TREM2: variants seen among roughly 807,000 people sequenced by gnomAD.
TREM2 encodes triggering receptor expressed on monocytes 2.
A neutral mutation model predicts 22.9 loss-of-function variants in TREM2; 20 were observed. The observed-to-expected ratio is 0.87, with a 90% CI of 0.61 to 1.27. The LOEUF is 1.27. TREM2 is among the 50% of genes most tolerant of loss of function. TREM2 has a pLI of 0.00. For missense variants in TREM2, 267 were observed against 289.0 expected, an observed-to-expected ratio of 0.92 and a Z score of 0.55; for synonymous variants, 111 against 120.9, an observed-to-expected ratio of 0.92 and a Z score of 0.54.
In TREM2 at chr6:41,159,083, G is replaced by A. The variant is rs761336507; in HGVS notation, c.483-17C>T. ...AAGAGGCTCCTTGGAGAGACAAGAA[G>A]GCAGATGGGAGCCTTGAGATGGCCT... On this transcript the variant is annotated splice_polypyrimidine_tract_variant and intron_variant, in intron 3 of 4. Transcript: ENST00000373113. The A allele has an allele frequency of 1.2e-6, 2 of 1,607,352 alleles. No homozygotes were observed. The highest frequency in any genetic ancestry group is 8.5e-7 in the Non-Finnish European group (1 of 1,176,924).
intron 1 of TREM2, among the ~76,000 whole-genome samples, chr6:41,162,111 GGCT>G (rs1765581709): frequency 6.6e-6 from 1 of 152,222 alleles, no homozygotes; most frequent in Admixed American, 6.5e-5. Context: ...GGAGACATGA[GGCT>G]GCTATTTTGG....
chr6:41,159,238 A>G (rs1175249832), intron 3 of TREM2, 172 bp from the exon 4 acceptor site: 2 of 742,678 alleles, frequency 2.7e-6, no homozygotes, highest in Non-Finnish European at 4.5e-6. Flanking sequence ...AAGAGACTTG[A>G]GTTCTAGGCA....
intron 1 of TREM2, 53 bp downstream of exon 1, chr6:41,162,990 A>C (rs1765605524): frequency 6.2e-7 from 1 of 1,613,680 alleles, no homozygotes; most frequent in African/African-American, 1.3e-5. Context: ...CGCCCCAACC[A>C]CATGCTCAAA....
intron 2 of TREM2, 53 bp from the exon 3 acceptor site, chr6:41,159,935 G>A: frequency 1.3e-6 from 2 of 1,518,838 alleles, no homozygotes; most frequent in East Asian, 2.3e-5. Context: ...GAGGCAGGGG[G>A]AGAACCTTGG....
chr6:41,160,661 C>G (rs193098480), intron 2 of TREM2, among the ~76,000 whole-genome samples: 45 of 152,224 alleles, frequency 3.0e-4, no homozygotes, highest in African/African-American at 8.4e-4. Flanking sequence ...CACCCTGCCC[C>G]CAACGCCCCC....
Position 41,158,633 on chromosome 6 carries a change from G to A in TREM2, c.*131C>T. ...CAGTCCCTGCTTCCAGGGTCCAGGA[G>A]AAGCAGTGTTCAGGCAGAGTAGTCT... is the stretch of plus-strand genomic sequence containing the variant. On this transcript the variant is annotated 3_prime_UTR_variant, in exon 5 of 5. Coordinates refer to ENST00000373113, the MANE Select transcript of TREM2 (RefSeq NM_018965.4). The A allele has an allele frequency of 6.3e-7, 1 of 1,590,270 alleles. No homozygotes were observed. The highest frequency in any genetic ancestry group is 8.6e-7 in the Non-Finnish European group (1 of 1,167,526).
At position 41,158,703 on chromosome 6, in the gene TREM2, A is replaced by G; in HGVS notation, c.*61T>C. ...GAGTCCTGGTGGCCAAGTGGCAAGT[A>G]TGCAGGCTGGGCTGGTCCCTGGTGG... On this transcript the variant is annotated 3_prime_UTR_variant, in exon 5 of 5. Coordinates refer to ENST00000373113, the MANE Select transcript of TREM2 (RefSeq NM_018965.4). 2.5e-6 allele frequency: 4 copies of G among 1,614,184 alleles called. No individual in the cohort carries two copies. The highest frequency in any genetic ancestry group is 2.7e-5 in the African/African-American group (2 of 75,036).
rs780908786 is a variant in TREM2 at position 41,161,221 on chromosome 6, T to G, written c.391+42A>C. The G allele has an allele frequency of 7.5e-6, 12 of 1,590,190 alleles. No individual in the cohort carries two copies. In the South Asian group the frequency reaches 1.3e-4, roughly 18 times the overall value. On this transcript the variant is annotated intron_variant, in intron 2 of 4. Coordinates refer to ENST00000373113, the MANE Select transcript of TREM2 (RefSeq NM_018965.4). ...ACACAGACGCCCAAAACATGAGGCC[T>G]GGAACAGGGGCAGGCCAGAGAGGCA... is the stretch of plus-strand genomic sequence containing the variant.
In TREM2 at chr6:41,158,613, C is replaced by T. The variant is rs1765477160; in HGVS notation, c.*151G>A. On this transcript the variant is annotated 3_prime_UTR_variant, in exon 5 of 5. Coordinates refer to ENST00000373113, the MANE Select transcript of TREM2 (RefSeq NM_018965.4). ...CACCTCCCCACTCCCTCAACCAGTC[C>T]CTGCTTCCAGGGTCCAGGAGAAGCA... The T allele has an allele frequency of 6.4e-7, 1 of 1,571,958 alleles. No homozygotes were observed. Among genetic ancestry groups the T allele is most frequent in the Non-Finnish European group, 8.6e-7 (1 of 1,157,758 alleles).
At chr6:41,159,103 TG>T in intron 3 of TREM2, 37 bp from the exon 4 acceptor site, 1 of 1,589,138 alleles carries the variant, frequency 6.3e-7, no homozygotes, top group East Asian at 2.3e-5. Flanking sequence ...AGCCTTGAGA[TG>T]GCCTACAGAT....
chr6:41,159,992 T>C (rs1561878085), intron 2 of TREM2, 110 bp from the exon 3 acceptor site: 1 of 801,878 alleles, frequency 1.2e-6, no homozygotes, highest in East Asian at 2.7e-5. Flanking sequence ...GCACTGGTCC[T>C]ATGTGGATCA....
chr6:41,161,456 C>T lies in TREM2; in HGVS notation c.198G>A (p.Thr66=), dbSNP rs754650868. 55 of 1,614,116 alleles carry T rather than the reference C, an allele frequency of 3.4e-5. No homozygotes were observed. The highest frequency in any genetic ancestry group is 4.0e-5 in the African/African-American group (3 of 74,932). Residue 66 remains threonine (T), a synonymous_variant, in exon 2 of 5, where the codon ACG becomes ACA. Transcript: ENST00000373113. ...EKGPCQRVVS[T]HNLWLLSFLR... ...GGAAGGACAGCAGCCACAAGTTGTG[C>T]GTGCTGACCACACGCTGGCATGGGC...
intron 2 of TREM2, 72 bp from the exon 3 acceptor site, chr6:41,159,954 C>G: frequency 6.1e-6 from 8 of 1,313,458 alleles, no homozygotes; most frequent in Non-Finnish European, 8.6e-6. Flanking sequence ...GGCGGGAGAA[C>G]CTTTATGGGT....
chr6:41,160,914 C>A (rs1765546617), intron 2 of TREM2, among the ~76,000 whole-genome samples: 1 of 152,212 alleles, frequency 6.6e-6, no homozygotes, highest in South Asian at 2.1e-4. Flanking sequence ...ATCATGTTCA[C>A]ATGCTAACTG....
intron 2 of TREM2, among the ~76,000 whole-genome samples, 180 bp downstream of exon 2, chr6:41,161,083 C>G (rs1167960867): frequency 2.0e-5 from 3 of 152,194 alleles, no homozygotes; most frequent in Non-Finnish European, 1.5e-5. Flanking sequence ...TGGATTTTGG[C>G]CCCCTTGTAT....
intron 2 of TREM2, among the ~76,000 whole-genome samples, chr6:41,160,445 G>A (rs1765533937): frequency 6.6e-6 from 1 of 152,074 alleles, no homozygotes; most frequent in African/African-American, 2.4e-5. Context: ...TGGAAAGGAG[G>A]AGAGTCAGAA....
In TREM2 at chr6:41,158,659, C is replaced by T; in HGVS notation, c.*105G>A. The T allele has an allele frequency of 6.2e-7, 1 of 1,609,000 alleles. No individual in the cohort carries two copies. Among genetic ancestry groups the T allele is most frequent in the South Asian group, 1.1e-5 (1 of 90,152 alleles). On this transcript the variant is annotated 3_prime_UTR_variant, in exon 5 of 5. Coordinates refer to ENST00000373113, the MANE Select transcript of TREM2 (RefSeq NM_018965.4). ...AAGCAGTGTTCAGGCAGAGTAGTCT[C>T]TTGCCAGAGCAGAACAAGGAGTCCT... is the stretch of plus-strand genomic sequence containing the variant.
In TREM2 at chr6:41,158,904, A is replaced by C. The variant is rs1161481912; in HGVS notation, c.645T>G (p.His215Gln). ...THPPSELDCG[H>Q]DPGYQLQTLP... ...GAGTTTGGAGCTGATACCCTGGGTC[A>C]TGGCCACAGTCCAGTTCACTGGGTG... The change falls in exon 4 of 5, where the codon CAT becomes CAG. Residue 215 changes from histidine (H) to glutamine (Q), a missense_variant. By Grantham distance (24) the His-to-Gln change is conservative. Transcript: ENST00000373113. 5.6e-6 allele frequency: 9 copies of C among 1,614,096 alleles called. No individual in the cohort carries two copies. The highest frequency in any genetic ancestry group is 7.6e-6 in the Non-Finnish European group (9 of 1,180,046).
intron 2 of TREM2, 88 bp downstream of exon 2, chr6:41,161,175 G>A: frequency 8.4e-7 from 1 of 1,189,976 alleles, no homozygotes; most frequent in South Asian, 1.3e-5. Context: ...GGATCCCTGA[G>A]AGCCCAGTGG....
Sources: gnomAD v4.1 joint callset for allele counts (sites outside exome capture counted in the v4.1 genomes callset) on GRCh38, gnomAD v4.1.1 for gene constraint, MANE v1.5 for transcripts, NCBI Gene and HGNC (gene_info 2026-07-23, HGNC 2026-07-21) for gene names.